Variants in SEMA3C observed in about 807,000 individuals in gnomAD.
The protein encoded by SEMA3C is semaphorin 3C.
SEMA3C carries 47 observed loss-of-function variants against 89.4 expected under a neutral mutation model. That is an observed-to-expected ratio of 0.53 (90% CI 0.42 to 0.67). The LOEUF (loss-of-function observed/expected upper bound fraction) is 0.67, where lower values mean the gene tolerates loss of function less well. Ranked by LOEUF, SEMA3C falls within the 30% of genes least tolerant of loss-of-function variation. The probability of loss-of-function intolerance (pLI) is 0.00; values close to 1 mark genes in which losing one functional copy is unlikely to be tolerated. For missense variants in SEMA3C, 839 were observed against 929.1 expected, an observed-to-expected ratio of 0.90 and a Z score of 1.26; for synonymous variants, 310 against 320.2, an observed-to-expected ratio of 0.97 and a Z score of 0.34.
At chr7:80,920,990 C>A (rs773994708), upstream of SEMA3C, among the ~76,000 whole-genome samples, 3 of 152,108 alleles carry the variant, frequency 2.0e-5, no homozygotes, top group East Asian at 5.8e-4. Flanking sequence ...AGAAATTGAT[C>A]AGCAAATTCA....
upstream of SEMA3C, chr7:80,922,188 C>A: frequency 1.8e-5 from 21 of 1,182,484 alleles, no homozygotes; most frequent in South Asian, 1.3e-4. Context: ...TAGTAAATAT[C>A]AGAATAGGAA....
intron 16 of SEMA3C, among the ~76,000 whole-genome samples, chr7:80,750,467 TATATATACACACAC>T (rs1362099716): frequency 3.2e-5 from 2 of 61,794 alleles, no homozygotes; most frequent in Non-Finnish European, 6.4e-5. Context: ...TATATATATA[TATATATACACACAC>T]ACACACACAC....
At chr7:80,865,791 C>T (rs1790913910) in intron 2 of SEMA3C, among the ~76,000 whole-genome samples, 2 of 152,002 alleles carry the variant, frequency 1.3e-5, no homozygotes, top group Admixed American at 1.3e-4. Flanking sequence ...GAGACTCCAT[C>T]TCAGAAAAAA....
intron 6 of SEMA3C, among the ~76,000 whole-genome samples, chr7:80,810,105 A>C (rs1789432680): frequency 1.3e-5 from 2 of 152,172 alleles, no homozygotes; most frequent in Non-Finnish European, 2.9e-5. Context: ...TCTCACCACA[A>C]AAAAATACGT....
intron 14 of SEMA3C, among the ~76,000 whole-genome samples, chr7:80,760,624 G>T (rs1275419862): frequency 6.6e-6 from 1 of 152,160 alleles, no homozygotes; most frequent in Non-Finnish European, 1.5e-5. Flanking sequence ...AACCAAATAT[G>T]GTGAAGAGCT....
At chr7:80,794,997 A>C (rs1789028048) in intron 11 of SEMA3C, among the ~76,000 whole-genome samples, 1 of 152,188 alleles carries the variant, frequency 6.6e-6, no homozygotes, top group Non-Finnish European at 1.5e-5. Flanking sequence ...GATTTCTGCC[A>C]GTCTCATTTC....
At chr7:80,890,124 G>A (rs542992563) in intron 2 of SEMA3C, among the ~76,000 whole-genome samples, 2 of 152,164 alleles carry the variant, frequency 1.3e-5, no homozygotes, top group Non-Finnish European at 2.9e-5. Context: ...GGGCACTTGT[G>A]TAAGTTAATC....
At chr7:80,750,060 A>C (rs1031352597) in intron 16 of SEMA3C, among the ~76,000 whole-genome samples, 3 of 152,284 alleles carry the variant, frequency 2.0e-5, no homozygotes, top group East Asian at 1.9e-4. Flanking sequence ...CAGTTAGAAT[A>C]GTTAGTAAAA....
chr7:80,820,560 T>C (rs544052874), intron 4 of SEMA3C, among the ~76,000 whole-genome samples: 62 of 152,338 alleles, frequency 4.1e-4, no homozygotes, highest in Admixed American at 2.2e-3. Flanking sequence ...GTTTCTATGA[T>C]AGATTTTTAT....
In SEMA3C at chr7:80,912,643, C is replaced by T. The variant is rs139218606; in HGVS notation, c.103+4036G>A. ...TGTGTGCTTCAAGATATTTCAGTGACATTTAATTGAAACCATCATAAGGAG... is the reference window on the plus strand; with the variant it reads ...TGTGTGCTTCAAGATATTTCAGTGATATTTAATTGAAACCATCATAAGGAG... On this transcript the variant is annotated intron_variant, in intron 2 of 17. Coordinates refer to ENST00000265361, the MANE Select transcript of SEMA3C (RefSeq NM_006379.5). Among the ~76,000 whole-genome samples, 21 of 152,262 alleles carry T rather than the reference C, an allele frequency of 1.4e-4. No individual in the cohort carries two copies. The East Asian group carries it at 3.5e-3, about 25-fold the overall frequency.
chr7:80,773,299 C>T (rs983450490), intron 12 of SEMA3C, among the ~76,000 whole-genome samples: 11 of 151,880 alleles, frequency 7.2e-5, no homozygotes, highest in Admixed American at 2.6e-4. Context: ...AGAGTATATA[C>T]GATTTATGAA....
At chr7:80,805,517 C>T in intron 7 of SEMA3C, 122 bp downstream of exon 7, 1 of 718,068 alleles carries the variant, frequency 1.4e-6, no homozygotes, top group Non-Finnish European at 2.2e-6. Context: ...TACAGAATTA[C>T]CATTATTCAT....
chr7:80,765,670 G>A (rs548193948), intron 12 of SEMA3C, among the ~76,000 whole-genome samples: 18 of 152,068 alleles, frequency 1.2e-4, no homozygotes, highest in Middle Eastern at 3.2e-3. Context: ...TCCACCTTCC[G>A]GGTTCAAGCG....
rs1788112881 is a variant in SEMA3C, at chr7:80,758,395, C to T, written c.1579G>A (p.Ala527Thr). 6.2e-7 allele frequency: 1 copy of T among 1,614,070 alleles called. No individual in the cohort carries two copies. The highest frequency in any genetic ancestry group is 1.1e-5 in the South Asian group (1 of 91,060). Residue 527 changes from alanine to threonine, a missense_variant, in exon 15 of 18, where the codon GCG (alanine) becomes ACG (threonine). Transcript: ENST00000265361. ...TCCCAGGCGCAATAAGGGTCCCGCG[C>T]CAGGCAGCAGTCAGCACAGGCTGTA... ...YGTACADCCL[A>T]RDPYCAWDGH...
At chr7:80,793,578 A>G in intron 11 of SEMA3C, 1 of 403,212 alleles carries the variant, frequency 2.5e-6, no homozygotes, top group South Asian at 1.9e-5. Context: ...AAGATAAACA[A>G]TCAATTTTGG....
At chr7:80,858,178 G>A (rs1242900577) in intron 2 of SEMA3C, among the ~76,000 whole-genome samples, 1 of 152,084 alleles carries the variant, frequency 6.6e-6, no homozygotes, top group South Asian at 2.1e-4. Flanking sequence ...TTTGTATAAG[G>A]AGGAAGGCTT....
intron 2 of SEMA3C, among the ~76,000 whole-genome samples, chr7:80,876,254 A>G (rs554246823): frequency 2.1e-4 from 32 of 152,294 alleles, no homozygotes; most frequent in African/African-American, 7.7e-4. Context: ...AAGCTCCATA[A>G]TAAGTGTATT....
chr7:80,862,370 A>G (rs551679864), intron 2 of SEMA3C, among the ~76,000 whole-genome samples: 2 of 152,274 alleles, frequency 1.3e-5, no homozygotes, highest in African/African-American at 4.8e-5. Context: ...AATACTTAGG[A>G]ATATACCTAA....
rs1583849447 is a variant in SEMA3C at position 80,758,219 on chromosome 7, C to A, written c.1643+112G>T. ...TGTGTGGTGTTAAACATAGCTTCTA[C>A]CTTTAATGTCATTTAAGGAAACAGC... On this transcript the variant is annotated intron_variant, in intron 15 of 17. Coordinates refer to ENST00000265361, the MANE Select transcript of SEMA3C (RefSeq NM_006379.5). 7.6e-6 allele frequency: 9 copies of A among 1,185,888 alleles called. No homozygotes were observed. The East Asian group carries it at 1.2e-4, about 16-fold the overall frequency. 73.5% of individuals were successfully genotyped at this position (1,185,888 alleles called of 1,614,324 possible). A position where few individuals can be genotyped will look rare whatever the true frequency, so the allele number is the denominator to read the frequency against.
Sources: allele counts gnomAD v4.1 joint callset (sites outside exome capture counted in the v4.1 genomes callset), GRCh38; gene constraint gnomAD v4.1.1; transcripts MANE v1.5; gene names NCBI Gene and HGNC (gene_info 2026-07-23, HGNC 2026-07-21).